OSBPL11: variants seen among roughly 807,000 people sequenced by gnomAD.
The protein encoded by OSBPL11 is oxysterol-binding protein-related protein 11.
In OSBPL11, 33 loss-of-function variants were observed where a neutral mutation model predicts 84.4. The ratio of observed to expected loss-of-function variants is 0.39; its 90% CI spans 0.30 to 0.52. The LOEUF is 0.52. Ranked by LOEUF, OSBPL11 falls within the 20% of genes least tolerant of loss-of-function variation. The probability of loss-of-function intolerance (pLI) is 0.72; values close to 1 mark genes in which losing one functional copy is unlikely to be tolerated. For synonymous variants in OSBPL11, 276 were observed against 310.2 expected, an observed-to-expected ratio of 0.89 and a Z score of 1.16; for missense variants, 736 against 901.1, an observed-to-expected ratio of 0.82 and a Z score of 2.35.
At chr3:125,593,321 A>G (rs1405009768) in intron 1 of OSBPL11, among the ~76,000 whole-genome samples, 9 of 152,140 alleles carry the variant, frequency 5.9e-5, no homozygotes, top group Non-Finnish European at 1.2e-4. Context: ...TCACTTACCA[A>G]TAAAAAGTTA....
At chr3:125,543,451 A>G (rs1351743378) in intron 10 of OSBPL11, among the ~76,000 whole-genome samples, 2 of 152,090 alleles carry the variant, frequency 1.3e-5, no homozygotes, top group African/African-American at 2.4e-5. Context: ...ATTTTAGATA[A>G]TATTTATTAA....
intron 4 of OSBPL11, among the ~76,000 whole-genome samples, chr3:125,576,797 C>A (rs895529690): frequency 1.3e-5 from 2 of 152,130 alleles, no homozygotes; most frequent in African/African-American, 4.8e-5. Flanking sequence ...GATTCCCCTG[C>A]CTCAGCCTCC....
At chr3:125,580,851 A>C (rs1254994605) in intron 2 of OSBPL11, among the ~76,000 whole-genome samples, 3 of 152,196 alleles carry the variant, frequency 2.0e-5, no homozygotes, top group African/African-American at 4.8e-5. Context: ...GGTAAAAAAG[A>C]TTTTGTGAAT....
intron 8 of OSBPL11, among the ~76,000 whole-genome samples, chr3:125,553,181 A>G (rs1935938921): frequency 6.6e-6 from 1 of 152,208 alleles, no homozygotes; most frequent in Admixed American, 6.5e-5. Context: ...TAAATTCAAG[A>G]GAGTCAGAAG....
chr3:125,553,702 G>A (rs1439334727), intron 8 of OSBPL11, among the ~76,000 whole-genome samples: 2 of 152,066 alleles, frequency 1.3e-5, no homozygotes, highest in East Asian at 1.9e-4. Context: ...TTTAAACTAC[G>A]GTTCTAGCTA....
At chr3:125,578,357 G>A (rs1936363599) in intron 4 of OSBPL11, among the ~76,000 whole-genome samples, 1 of 152,148 alleles carries the variant, frequency 6.6e-6, no homozygotes, top group Non-Finnish European at 1.5e-5. Flanking sequence ...GAGTTTGCTA[G>A]GGGATTGGGA....
intron 1 of OSBPL11, among the ~76,000 whole-genome samples, chr3:125,585,040 A>C (rs1444764668): frequency 6.6e-6 from 1 of 152,166 alleles, no homozygotes; most frequent in East Asian, 1.9e-4. Flanking sequence ...TTGGCTTCCT[A>C]AAGTGTTGGG....
chr3:125,554,495 G>A (rs999590784), intron 8 of OSBPL11, among the ~76,000 whole-genome samples: 1 of 152,146 alleles, frequency 6.6e-6, no homozygotes, highest in Non-Finnish European at 1.5e-5. Flanking sequence ...CGCCACCTAC[G>A]TGTTAAAGCT....
chr3:125,556,416 A>C (rs941607178), intron 8 of OSBPL11, among the ~76,000 whole-genome samples: 2 of 152,204 alleles, frequency 1.3e-5, no homozygotes, highest in Non-Finnish European at 2.9e-5. Context: ...TCCCCGAAAG[A>C]AGCCTTCTGA....
chr3:125,537,072 A>G (rs1192327188), intron 11 of OSBPL11, among the ~76,000 whole-genome samples: 1 of 150,284 alleles, frequency 6.7e-6, no homozygotes, highest in Admixed American at 6.7e-5. Flanking sequence ...AGGCAGGAGG[A>G]TCACTTGAAC....
intron 4 of OSBPL11, 90 bp from the exon 5 acceptor site, chr3:125,576,455 T>A: frequency 1.0e-6 from 1 of 956,422 alleles, no homozygotes; most frequent in East Asian, 3.1e-5. Flanking sequence ...GATTTACACA[T>A]GAGCAGCGTT....
rs759930422 is a variant in OSBPL11 at position 125,538,488 on chromosome 3, C to T, written c.1987G>A (p.Val663Met). 56 of 1,613,954 alleles carry T rather than the reference C, an allele frequency of 3.5e-5. No individual in the cohort carries two copies. The highest frequency in any genetic ancestry group is 4.6e-5 in the Non-Finnish European group (54 of 1,179,974). The change falls in exon 11 of 13, where the codon GTG (valine) becomes ATG (methionine). Residue 663 changes from valine to methionine, a missense_variant. Around this residue, in one of 3 missense-constraint regions of OSBPL11, gnomAD observed 579 missense variants for 717.6 expected, o/e 0.81. Transcript: ENST00000296220. Reference sequence around the variant, plus strand: ...GGATCCTGCTTCTCCAGAGGTCTCACTCTTTTCTTCGTCACTGCCAATTTA... The same window carrying T: ...GGATCCTGCTTCTCCAGAGGTCTCATTCTTTTCTTCGTCACTGCCAATTTA... ...LTKLAVTKKRVRPLEKQDPFE... is the reference protein window; with the variant it reads ...LTKLAVTKKRMRPLEKQDPFE...
At chr3:125,530,673 C>G in intron 12 of OSBPL11, 93 bp from the exon 13 acceptor site, 1 of 1,021,924 alleles carries the variant, frequency 9.8e-7, no homozygotes. Context: ...AAATGGAATT[C>G]TATTTTCACA....
Position 125,548,116 on chromosome 3 carries a change from C to T in OSBPL11, c.1655-524G>A, listed in dbSNP as rs554027388. 3.3e-5 allele frequency among the ~76,000 whole-genome samples: 5 copies of T among 152,136 alleles called. No homozygotes were observed. The South Asian group carries it at 8.3e-4, about 25-fold the overall frequency. On this transcript the variant is annotated intron_variant, in intron 9 of 12. Transcript: ENST00000296220. ...CTGGTCTCGCACTCCTGACCTGAGGCGATCCACCTGCTTCGGCCTCCCAAA... is the reference window on the plus strand; with the variant it reads ...CTGGTCTCGCACTCCTGACCTGAGGTGATCCACCTGCTTCGGCCTCCCAAA...
rs374864484 is a variant in OSBPL11 at position 125,555,292 on chromosome 3, C to T, written c.1156-2613G>A. On this transcript the variant is annotated intron_variant, in intron 8 of 12. Coordinates refer to ENST00000296220, the MANE Select transcript of OSBPL11 (RefSeq NM_022776.5). ...TCCCTACTTTTGAGGTTTGGGGACT[C>T]GGACTGGATTCCCTGCTCCTCAGCT... 9.6e-4 allele frequency among the ~76,000 whole-genome samples: 146 copies of T among 152,290 alleles called. 1 individual carries two copies. The highest frequency in any genetic ancestry group is 2.9e-3 in the African/African-American group (122 of 41,550).
chr3:125,557,601 C>G (rs560601096), intron 8 of OSBPL11, among the ~76,000 whole-genome samples: 1 of 151,590 alleles, frequency 6.6e-6, no homozygotes, highest in Admixed American at 6.6e-5. Context: ...TGGTCTCCAA[C>G]TCCTGACTTC....
Position 125,567,600 on chromosome 3 carries a change from G to A in OSBPL11, c.667-5C>T, listed in dbSNP as rs756962843. 1.1e-5 allele frequency: 18 copies of A among 1,609,462 alleles called. No homozygotes were observed. The Admixed American group carries it at 3.0e-4, about 27-fold the overall frequency. On this transcript the variant is annotated splice_polypyrimidine_tract_variant and splice_region_variant and intron_variant, in intron 5 of 12. Transcript: ENST00000296220. Reference sequence around the variant, plus strand: ...TCCTTCAGCATGAGACATCATCTAAGGAAAAAACAGTTCTGTGGGTCCTAC... The same window carrying A: ...TCCTTCAGCATGAGACATCATCTAAAGAAAAAACAGTTCTGTGGGTCCTAC...
At chr3:125,562,704 A>G (rs1363738443) in intron 7 of OSBPL11, among the ~76,000 whole-genome samples, 1 of 152,214 alleles carries the variant, frequency 6.6e-6, no homozygotes, top group East Asian at 1.9e-4. Context: ...AGGTGGGTAG[A>G]TCACCTGAGG....
At chr3:125,543,780 A>G (rs968442389) in intron 10 of OSBPL11, among the ~76,000 whole-genome samples, 5 of 152,064 alleles carry the variant, frequency 3.3e-5, no homozygotes, top group Admixed American at 2.6e-4. Context: ...CGTGCCTGTA[A>G]TCCCAGCTAC....
Sources: allele counts gnomAD v4.1 joint callset (sites outside exome capture counted in the v4.1 genomes callset), GRCh38; gene constraint gnomAD v4.1.1; regional missense constraint gnomAD v4.1.1; transcripts MANE v1.5; gene names NCBI Gene and HGNC (gene_info 2026-07-23, HGNC 2026-07-21).